The following LTBP1 variants were observed in gnomAD, a reference collection of about 807,000 sequenced individuals.
LTBP1 encodes the protein latent-transforming growth factor beta-binding protein 1.
Under a neutral mutation model 207.6 loss-of-function variants are expected in LTBP1, and 129 were observed. The observed-to-expected ratio is 0.62, with a 90% CI of 0.54 to 0.72. LTBP1 has a LOEUF of 0.72. Among genes scored for constraint, LTBP1 ranks in the 30% least tolerant of loss-of-function variants. LTBP1 has a pLI of 0.00. For synonymous variants in LTBP1, 963 were observed against 833.7 expected (o/e 1.16, Z -2.67); for missense variants, 2,281 against 2,217.2 (o/e 1.03, Z -0.58).
At chr2:32,953,452 C>T (rs1435839805) in intron 2 of LTBP1, among the ~76,000 whole-genome samples, 3 of 152,216 alleles carry the variant, frequency 2.0e-5, no homozygotes, top group Non-Finnish European at 4.4e-5. Flanking sequence ...CACCCCGGCC[C>T]CCATGTGGGA....
At chr2:33,060,553 G>A (rs1484646691) in intron 3 of LTBP1, among the ~76,000 whole-genome samples, 2 of 150,708 alleles carry the variant, frequency 1.3e-5, no homozygotes, top group East Asian at 1.9e-4. Flanking sequence ...TGTTTGGGGG[G>A]GATGTGTGTG....
chr2:32,951,177 A>G (rs564454342), intron 2 of LTBP1, among the ~76,000 whole-genome samples: 49 of 152,244 alleles, frequency 3.2e-4, no homozygotes, highest in Admixed American at 8.5e-4. Flanking sequence ...TCTAAGAGGT[A>G]GCCCTTGGAC....
At chr2:33,132,208 A>G (rs2081854024) in intron 4 of LTBP1, among the ~76,000 whole-genome samples, 1 of 152,244 alleles carries the variant, frequency 6.6e-6, no homozygotes, top group Admixed American at 6.5e-5. Context: ...TATCCTCAAG[A>G]TATTTGTAAG....
intron 2 of LTBP1, among the ~76,000 whole-genome samples, chr2:32,956,046 AG>A (rs1008009134): frequency 6.6e-6 from 1 of 152,220 alleles, no homozygotes; most frequent in African/African-American, 2.4e-5. Context: ...ATGTCTAAAA[AG>A]GCAAGTGTAT....
intron 27 of LTBP1, 145 bp from the exon 28 acceptor site, chr2:33,361,284 A>G: frequency 1.8e-6 from 1 of 561,090 alleles, no homozygotes; most frequent in South Asian, 2.5e-5. Context: ...TTTGCACTTA[A>G]TCCATCATTT....
At chr2:33,301,421 C>A in intron 21 of LTBP1, 101 bp from the exon 22 acceptor site, 1 of 1,352,090 alleles carries the variant, frequency 7.4e-7, no homozygotes, top group Non-Finnish European at 9.9e-7. Flanking sequence ...TTACTTGTAT[C>A]AACATTGTCT....
At chr2:33,084,017 G>A (rs1352557046) in intron 3 of LTBP1, among the ~76,000 whole-genome samples, 2 of 152,162 alleles carry the variant, frequency 1.3e-5, no homozygotes, top group South Asian at 2.1e-4. Context: ...ACCTTGCCGA[G>A]TGTTAATTAA....
intron 11 of LTBP1, among the ~76,000 whole-genome samples, 160 bp from the exon 12 acceptor site, chr2:33,257,124 A>G (rs916092717): frequency 6.6e-6 from 1 of 152,140 alleles, no homozygotes; most frequent in Non-Finnish European, 1.5e-5. Flanking sequence ...GTTTATCAGA[A>G]ATTCGAGCAA....
At chr2:33,303,919 C>T (rs897187454) in intron 22 of LTBP1, among the ~76,000 whole-genome samples, 1 of 152,212 alleles carries the variant, frequency 6.6e-6, no homozygotes, top group African/African-American at 2.4e-5. Context: ...AGCATCTCCT[C>T]TGTCCTGATT....
At chr2:32,983,065 T>C (rs219142) in intron 2 of LTBP1, among the ~76,000 whole-genome samples, 129,906 of 152,158 alleles carry the variant, frequency 0.85, 56,207 homozygotes, top group East Asian at 0.98. Context: ...ACACTCAATG[T>C]CAGCTCATGA....
At position 33,309,414 on chromosome 2, in the gene LTBP1, A is replaced by G. The variant is rs113816788; in HGVS notation, c.3482-20A>G. 10,402 of 1,573,588 alleles carry G rather than the reference A, an allele frequency of 6.6e-3. 563 individuals carry two copies. In the African/African-American group the frequency reaches 0.12, roughly 18 times the overall value. On this transcript the variant is annotated intron_variant, in intron 22 of 33. Transcript: ENST00000404816. ...TATGTGATTTATTTAGTCTTTAAAA[A>G]TTTTTAAATTGGTTTTTAGATATCA...
intron 3 of LTBP1, among the ~76,000 whole-genome samples, chr2:33,055,733 TC>T (rs1401723845): frequency 6.6e-6 from 1 of 152,294 alleles, no homozygotes; most frequent in Middle Eastern, 3.4e-3. Flanking sequence ...TCTGAAAACT[TC>T]CCCAGGTCTG....
chr2:33,189,574 G>A (rs1003685901), intron 7 of LTBP1, among the ~76,000 whole-genome samples: 1 of 152,172 alleles, frequency 6.6e-6, no homozygotes, highest in African/African-American at 2.4e-5. Flanking sequence ...AAATGTGTCA[G>A]GCGTGAGATA....
At chr2:33,049,562 C>G (rs77532354) in intron 3 of LTBP1, among the ~76,000 whole-genome samples, 2 of 152,006 alleles carry the variant, frequency 1.3e-5, no homozygotes, top group African/African-American at 4.8e-5. Context: ...TCAATCATGC[C>G]GCAGTCACTA....
intron 2 of LTBP1, among the ~76,000 whole-genome samples, chr2:32,985,310 C>T (rs896904436): frequency 1.2e-4 from 19 of 152,110 alleles, no homozygotes; most frequent in Non-Finnish European, 2.6e-4. Flanking sequence ...GCTGACAGCT[C>T]TACATGGATT....
chr2:33,220,057 T>C (rs534887679), intron 8 of LTBP1, among the ~76,000 whole-genome samples: 8 of 152,200 alleles, frequency 5.3e-5, no homozygotes, highest in Non-Finnish European at 1.2e-4. Flanking sequence ...AAAATCCATA[T>C]GTTGGCTCAT....
At chr2:33,091,555 A>G (rs1387832584) in intron 3 of LTBP1, among the ~76,000 whole-genome samples, 2 of 152,170 alleles carry the variant, frequency 1.3e-5, no homozygotes, top group Admixed American at 1.3e-4. Flanking sequence ...TCCTTGGCAC[A>G]TGGTAGTTAA....
intron 2 of LTBP1, among the ~76,000 whole-genome samples, chr2:33,003,781 G>A (rs958442851): frequency 5.3e-5 from 8 of 152,142 alleles, no homozygotes; most frequent in Non-Finnish European, 7.4e-5. Context: ...GAGAGGCCAC[G>A]AAAAGAAGGT....
chr2:33,334,199 C>G (rs2094528916), intron 24 of LTBP1, among the ~76,000 whole-genome samples: 1 of 152,112 alleles, frequency 6.6e-6, no homozygotes, highest in Admixed American at 6.5e-5. Flanking sequence ...AGTCAAGAAC[C>G]TTGGCTGTTA....
Sources: allele counts gnomAD v4.1 joint callset (sites outside exome capture counted in the v4.1 genomes callset), GRCh38; gene constraint gnomAD v4.1.1; transcripts MANE v1.5; gene names NCBI Gene and HGNC (gene_info 2026-07-23, HGNC 2026-07-21).